Variants in ROS1 observed in about 807,000 individuals in gnomAD.
ROS1 encodes the protein ROS proto-oncogene 1, receptor tyrosine kinase, also known as proto-oncogene tyrosine-protein kinase ROS.
ROS1 carries 263 observed loss-of-function variants against 273.5 expected under a neutral mutation model. The ratio of observed to expected loss-of-function variants is 0.96; its 90% CI spans 0.87 to 1.06. ROS1 has a LOEUF of 1.06. ROS1 is among the 50% of genes least tolerant of loss of function. ROS1 has a pLI of 0.00. For synonymous variants in ROS1, 1,008 were observed against 954.1 expected, an observed-to-expected ratio of 1.06 and a Z score of -1.04; for missense variants, 2,833 against 2,751.1, an observed-to-expected ratio of 1.03 and a Z score of -0.67.
intron 32 of ROS1, 42 bp downstream of exon 32, chr6:117,337,130 G>T: frequency 6.6e-7 from 1 of 1,509,680 alleles, no homozygotes; most frequent in Non-Finnish European, 9.0e-7. Flanking sequence ...GAAAAAAACT[G>T]AAACACAGAG....
At chr6:117,409,871 A>G (rs531147520) in intron 4 of ROS1, among the ~76,000 whole-genome samples, 81 of 152,220 alleles carry the variant, frequency 5.3e-4, no homozygotes, top group Non-Finnish European at 1.0e-3. Context: ...CAAACTTTTG[A>G]CCATGCTCCA....
intron 27 of ROS1, among the ~76,000 whole-genome samples, chr6:117,348,510 T>G (rs1778553748): frequency 6.6e-6 from 1 of 151,952 alleles, no homozygotes; most frequent in South Asian, 2.1e-4. Flanking sequence ...ATCAATTTTA[T>G]TTATCTTTTC....
chr6:117,386,035 C>T (rs1772552074), intron 15 of ROS1, among the ~76,000 whole-genome samples, 174 bp from the exon 16 acceptor site: 2 of 152,268 alleles, frequency 1.3e-5, no homozygotes, highest in Non-Finnish European at 2.9e-5. Context: ...CTCTTAACCC[C>T]TGAAACCAGG....
At chr6:117,293,167 T>C (rs1773965297) in intron 43 of ROS1, among the ~76,000 whole-genome samples, 1 of 152,168 alleles carries the variant, frequency 6.6e-6, no homozygotes, top group African/African-American at 2.4e-5. Context: ...CCCTCTGCCA[T>C]AGTGTAGACT....
In ROS1 at chr6:117,396,201, A is replaced by C. The variant is rs1317876357; in HGVS notation, c.870T>G (p.Thr290=). ...CCTGACCCATACCTGCTGAAGATGA[A>C]GTGGTAATACTAGATTCTGCTTCTG... ...EGPEAESSIT[T]SSSAVQQEEQ... Residue 290 remains threonine, a synonymous_variant, in exon 9 of 44, where the codon ACT becomes ACG. Transcript: ENST00000368507. The C allele has an allele frequency of 6.2e-7, 1 of 1,613,102 alleles. No homozygotes were observed. Among genetic ancestry groups the C allele is most frequent in the Non-Finnish European group, 8.5e-7 (1 of 1,179,290 alleles).
Position 117,287,746 on chromosome 6 carries a change from C to T in ROS1, c.*746G>A, listed in dbSNP as rs918313709. On this transcript the variant is annotated 3_prime_UTR_variant, in exon 44 of 44. Coordinates refer to ENST00000368507, the MANE Select transcript of ROS1 (RefSeq NM_001378902.1). ...ACCAGCCTGGCCAATATGGTGAAACCTCATCTCTACTAAAAATACAAAAAT... is the reference window on the plus strand; with the variant it reads ...ACCAGCCTGGCCAATATGGTGAAACTTCATCTCTACTAAAAATACAAAAAT... Among the ~76,000 whole-genome samples the T allele has an allele frequency of 1.3e-5, 2 of 151,912 alleles. No homozygotes were observed. The highest frequency in any genetic ancestry group is 4.8e-5 in the African/African-American group (2 of 41,342).
chr6:117,337,231 A>G lies in ROS1; in HGVS notation c.5171T>C (p.Val1724Ala). 1 of 1,612,684 alleles carries G rather than the reference A, an allele frequency of 6.2e-7. No individual in the cohort carries two copies. Among genetic ancestry groups the G allele is most frequent in the Non-Finnish European group, 8.5e-7 (1 of 1,179,102 alleles). Residue 1724 changes from valine (V) to alanine (A), a missense_variant, in exon 32 of 44, where the codon GTG becomes GCG. Physicochemically the swap from Val to Ala is moderately conservative, Grantham distance 64. Transcript: ENST00000368507. ...ATTTTCTCCCGTCTTATAAACCACC[A>G]CTACTCTGACATTATATGAAGTATA... ...QPYTSYNVRV[V>A]VVYKTGENST...
chr6:117,421,075 A>G (rs1469890131), intron 1 of ROS1, among the ~76,000 whole-genome samples: 1 of 151,518 alleles, frequency 6.6e-6, no homozygotes, highest in Non-Finnish European at 1.5e-5. Flanking sequence ...AATTTGATAG[A>G]AGAAAAATTG....
intron 13 of ROS1, 154 bp from the exon 14 acceptor site, chr6:117,388,146 T>C: frequency 8.4e-7 from 1 of 1,184,650 alleles, no homozygotes; most frequent in Non-Finnish European, 1.2e-6. Flanking sequence ...GGATCATTTG[T>C]TGATGAGGCT....
At chr6:117,356,015 A>AT (rs1163148191) in intron 26 of ROS1, among the ~76,000 whole-genome samples, 9 of 152,084 alleles carry the variant, frequency 5.9e-5, no homozygotes, top group Admixed American at 1.3e-4. Context: ...TAGAGTATAT[A>AT]TTTTTTTCTG....
intron 43 of ROS1, among the ~76,000 whole-genome samples, chr6:117,297,669 G>C (rs920144304): frequency 6.6e-6 from 1 of 152,016 alleles, no homozygotes; most frequent in Non-Finnish European, 1.5e-5. Flanking sequence ...ATAATAATAA[G>C]ATATCATCCT....
Position 117,365,697 on chromosome 6 carries a change from C to A in ROS1, c.2842G>T (p.Glu948Ter). The A allele has an allele frequency of 6.2e-7, 1 of 1,609,004 alleles. No individual in the cohort carries two copies. The highest frequency in any genetic ancestry group is 8.5e-7 in the Non-Finnish European group (1 of 1,178,116). The change falls in exon 20 of 44, where the codon GAG becomes TAG. Residue 948 changes from glutamate (E) to a stop codon, truncating the protein, a stop_gained. Transcript: ENST00000368507. LOFTEE classifies it high-confidence loss of function. ...TTTCCTTCAATCCTAAATGAAGACT[C>A]TTGAACAGAATCTGGAATAACCTTA... ...TPKVIPDSVQ[E>*]SSFRIEGNAS...
chr6:117,338,004 T>C (rs1432239219), intron 31 of ROS1, among the ~76,000 whole-genome samples: 1 of 152,156 alleles, frequency 6.6e-6, no homozygotes, highest in African/African-American at 2.4e-5. Flanking sequence ...ATTGGGCCTC[T>C]AATTGCAGCT....
intron 35 of ROS1, among the ~76,000 whole-genome samples, chr6:117,322,891 T>C (rs687218): frequency 0.095 from 14,396 of 152,202 alleles, 871 homozygotes; most frequent in Middle Eastern, 0.14. Flanking sequence ...CCATAGGATG[T>C]CTTGGAAGCA....
chr6:117,306,030 G>GTTTTTTTTT (rs78945275), intron 42 of ROS1, among the ~76,000 whole-genome samples: 1 of 123,092 alleles, frequency 8.1e-6, no homozygotes. Context: ...TTCTCCTCAA[G>GTTTTTTTTT]TTTTTTTTTT....
intron 18 of ROS1, among the ~76,000 whole-genome samples, chr6:117,367,081 C>T (rs1465499218): frequency 6.6e-6 from 1 of 152,122 alleles, no homozygotes; most frequent in East Asian, 1.9e-4. Flanking sequence ...AAAACCAATG[C>T]CTGAAGTATA....
intron 4 of ROS1, among the ~76,000 whole-genome samples, chr6:117,410,805 G>C (rs3798393): frequency 0.54 from 81,494 of 151,992 alleles, 22,552 homozygotes; most frequent in South Asian, 0.68. Flanking sequence ...CTAAAAGGAA[G>C]GGTGCCTGAT....
chr6:117,382,798 C>A (rs556862577), intron 17 of ROS1, among the ~76,000 whole-genome samples: 13 of 151,940 alleles, frequency 8.6e-5, no homozygotes, highest in East Asian at 3.9e-4. Context: ...CTCATATAAT[C>A]TTTATAAAAA....
intron 24 of ROS1, 67 bp downstream of exon 24, chr6:117,359,738 TTAAC>T: frequency 2.4e-6 from 3 of 1,256,882 alleles, no homozygotes; most frequent in Non-Finnish European, 1.1e-6. Flanking sequence ...TCCAGTCATT[TTAAC>T]TACAAAGTAG....
Sources: gnomAD v4.1 joint callset for allele counts (sites outside exome capture counted in the v4.1 genomes callset) on GRCh38, gnomAD v4.1.1 for gene constraint, MANE v1.5 for transcripts, NCBI Gene and HGNC (gene_info 2026-07-23, HGNC 2026-07-21) for gene names.